Variants in EXTL3 observed in about 807,000 individuals in gnomAD.
EXTL3 encodes exostosin-like 3.
In EXTL3, 27 loss-of-function variants were observed where a neutral mutation model predicts 69.3. The observed-to-expected ratio is 0.39, with a 90% CI of 0.29 to 0.54. The LOEUF (loss-of-function observed/expected upper bound fraction) is 0.54, where lower values mean the gene tolerates loss of function less well. EXTL3 is among the 20% of genes least tolerant of loss of function. EXTL3 has a pLI of 0.69. For synonymous variants in EXTL3, 511 were observed against 499.4 expected, an observed-to-expected ratio of 1.02 and a Z score of -0.31; for missense variants, 1,003 against 1,231.8, an observed-to-expected ratio of 0.81 and a Z score of 2.78.
chr8:28,679,674 G>A (rs1807450233), intron 1 of EXTL3, among the ~76,000 whole-genome samples: 1 of 150,170 alleles, frequency 6.7e-6, no homozygotes, highest in South Asian at 2.1e-4. Context: ...AGTGAGCTAT[G>A]ATCATGCCAC....
chr8:28,620,938 C>A (rs983256773), upstream of EXTL3, among the ~76,000 whole-genome samples: 10 of 152,150 alleles, frequency 6.6e-5, no homozygotes, highest in African/African-American at 2.2e-4. Context: ...TGGTCTCTAA[C>A]TTCTGAGCTC....
intron 2 of EXTL3, among the ~76,000 whole-genome samples, chr8:28,613,611 C>G (rs1806296967): frequency 6.6e-6 from 1 of 152,060 alleles, no homozygotes; most frequent in Non-Finnish European, 1.5e-5. Flanking sequence ...ACCATCTGGG[C>G]CTGGTGCTTT....
chr8:28,614,472 C>T (rs1158650074), intron 2 of EXTL3, among the ~76,000 whole-genome samples: 1 of 151,910 alleles, frequency 6.6e-6, no homozygotes, highest in Non-Finnish European at 1.5e-5. Flanking sequence ...TGGGATTTTA[C>T]CATGTTGCTC....
At position 28,667,860 on chromosome 8, in the gene EXTL3, A is replaced by T. The variant is rs946007702; in HGVS notation, c.-53+45050A>T. On this transcript the variant is annotated intron_variant, in intron 1 of 6. Transcript: ENST00000523149. ...CATGTACCCTAGAAATTAAAGTATA[A>T]AAAAAAAAAAAAGAATATTTTCTTC... Among the ~76,000 whole-genome samples the T allele has an allele frequency of 6.6e-5, 9 of 135,442 alleles. 1 individual carries two copies. Among genetic ancestry groups the T allele is most frequent in the East Asian group, 2.0e-4 (1 of 5,100 alleles). 88.9% of individuals were successfully genotyped at this position (135,442 alleles called of 152,430 possible). A position where few individuals can be genotyped will look rare whatever the true frequency, so the allele number is the denominator to read the frequency against.
chr8:28,726,970 C>T (rs533052405), intron 3 of EXTL3, among the ~76,000 whole-genome samples: 2 of 149,038 alleles, frequency 1.3e-5, no homozygotes, highest in African/African-American at 4.9e-5. Flanking sequence ...CCTCCACTTC[C>T]TGGGTTCAAG....
chr8:28,736,618 T>C (rs1038163942), intron 4 of EXTL3, among the ~76,000 whole-genome samples: 1 of 152,228 alleles, frequency 6.6e-6, no homozygotes, highest in Non-Finnish European at 1.5e-5. Context: ...TCAGCCCTGC[T>C]CAAATTTGGA....
At chr8:28,702,782 G>C (rs1429611946) in intron 1 of EXTL3, among the ~76,000 whole-genome samples, 3 of 152,020 alleles carry the variant, frequency 2.0e-5, no homozygotes, top group African/African-American at 7.3e-5. Flanking sequence ...GTCCAATTTA[G>C]GTAGCTTCAT....
intron 1 of EXTL3, among the ~76,000 whole-genome samples, chr8:28,625,560 C>G (rs1211806413): frequency 6.6e-6 from 1 of 152,132 alleles, no homozygotes; most frequent in African/African-American, 2.4e-5. Flanking sequence ...ATGAACTGTC[C>G]AGGTTTCCAA....
chr8:28,747,823 G>T (rs1801921921), intron 6 of EXTL3, among the ~76,000 whole-genome samples: 1 of 150,964 alleles, frequency 6.6e-6, no homozygotes, highest in Non-Finnish European at 1.5e-5. Flanking sequence ...CTGCCTCCCG[G>T]GTTCAAGTGA....
chr8:28,723,247 T>A (rs1801336502), intron 3 of EXTL3, among the ~76,000 whole-genome samples: 1 of 152,220 alleles, frequency 6.6e-6, no homozygotes, highest in African/African-American at 2.4e-5. Context: ...GGTCCAAGAC[T>A]GTGCAAGGTC....
intron 3 of EXTL3, among the ~76,000 whole-genome samples, chr8:28,724,916 C>T (rs1414407215): frequency 2.0e-5 from 3 of 152,188 alleles, no homozygotes; most frequent in Admixed American, 6.5e-5. Flanking sequence ...TTACCTAGGT[C>T]CTCCTGAGCT....
intron 1 of EXTL3, among the ~76,000 whole-genome samples, chr8:28,644,237 CTA>C (rs1190010553): frequency 6.6e-6 from 1 of 151,946 alleles, no homozygotes; most frequent in Non-Finnish European, 1.5e-5. Context: ...GGGTAGTACT[CTA>C]TTATATAAAG....
At chr8:28,739,318 C>T (rs1042765805) in intron 5 of EXTL3, among the ~76,000 whole-genome samples, 4 of 152,046 alleles carry the variant, frequency 2.6e-5, no homozygotes, top group African/African-American at 9.7e-5. Flanking sequence ...CAATAAAATT[C>T]ATTTTTATAG....
chr8:28,743,067 CT>C lies in EXTL3; in HGVS notation c.2422-14del. The C allele has an allele frequency of 1.2e-6, 2 of 1,613,950 alleles. No homozygotes were observed. Among genetic ancestry groups the C allele is most frequent in the Non-Finnish European group, 8.5e-7 (1 of 1,179,884 alleles). ...GTGTCTTGTAACAGAGCATGTGGTT[CT>C]TTTTCTTCCCCTGACAGTATTATGC... is the stretch of plus-strand genomic sequence containing the variant. On this transcript the variant is annotated intron_variant, in intron 5 of 6. Transcript: ENST00000220562.
intron 1 of EXTL3, among the ~76,000 whole-genome samples, chr8:28,675,664 T>C (rs951802205): frequency 2.0e-5 from 3 of 152,208 alleles, no homozygotes; most frequent in Admixed American, 2.0e-4. Context: ...TGGGGCTGAA[T>C]GTTTTGACAT....
At chr8:28,620,070 T>C (rs548780053), upstream of EXTL3, among the ~76,000 whole-genome samples, 60 of 151,978 alleles carry the variant, frequency 3.9e-4, no homozygotes, top group Non-Finnish European at 6.2e-4. Flanking sequence ...AGACGGGGTT[T>C]CACTGTGTTA....
intron 1 of EXTL3, chr8:28,686,000 G>A (rs1807571129): frequency 6.6e-6 from 1 of 151,966 alleles, no homozygotes; most frequent in South Asian, 2.1e-4. Flanking sequence ...TGAGTAGCTG[G>A]GATTACAGGT....
At chr8:28,654,374 T>A (rs546423765) in intron 1 of EXTL3, among the ~76,000 whole-genome samples, 54 of 152,262 alleles carry the variant, frequency 3.5e-4, no homozygotes, top group South Asian at 2.5e-3. Flanking sequence ...TGTTTGTTTG[T>A]TTGTTTTTGT....
intron 1 of EXTL3, among the ~76,000 whole-genome samples, chr8:28,649,760 T>A (rs1211157851): frequency 6.6e-6 from 1 of 152,222 alleles, no homozygotes; most frequent in East Asian, 1.9e-4. Context: ...TCTTTGTGGT[T>A]TATGCTTTCA....
Sources: gnomAD v4.1 joint callset for allele counts (sites outside exome capture counted in the v4.1 genomes callset) on GRCh38, gnomAD v4.1.1 for gene constraint, MANE v1.5 for transcripts, NCBI Gene and HGNC (gene_info 2026-07-23, HGNC 2026-07-21) for gene names.